Variants in TRPC5 observed in about 807,000 individuals in gnomAD.
The protein encoded by TRPC5 is short transient receptor potential channel 5.
In TRPC5, 9 loss-of-function variants were observed where a neutral mutation model predicts 56.5. The observed-to-expected ratio is 0.16, with a 90% CI of 0.10 to 0.28. The LOEUF (loss-of-function observed/expected upper bound fraction) is 0.28. Among genes scored for constraint, TRPC5 ranks in the 10% least tolerant of loss-of-function variants. The pLI, the probability that TRPC5 is intolerant of heterozygous loss-of-function variation, is 1.00. For synonymous variants in TRPC5, 282 were observed against 278.5 expected (o/e 1.01, Z -0.13); for missense variants, 469 against 748.9 (o/e 0.63, Z 4.36).
chrX:111,844,326 C>T (rs1380884533), intron 6 of TRPC5, among the ~76,000 whole-genome samples: 3 of 111,169 alleles, frequency 2.7e-5, no homozygotes, highest in Non-Finnish European at 3.8e-5. Flanking sequence ...GTGAAGGCCA[C>T]GTATTCCCAG....
intron 2 of TRPC5, among the ~76,000 whole-genome samples, chrX:111,941,527 G>A (rs1168388309): frequency 8.9e-6 from 1 of 112,279 alleles, no homozygotes; most frequent in Non-Finnish European, 1.9e-5. Context: ...GATGTGCAAA[G>A]TGTGGCATTT....
chrX:111,811,531 T>C (rs1423738324), intron 7 of TRPC5, among the ~76,000 whole-genome samples: 2 of 111,832 alleles, frequency 1.8e-5, no homozygotes, highest in Admixed American at 9.5e-5. Context: ...CAGAGGAGGA[T>C]AGGAGGTAAG....
chrX:111,790,788 A>T (rs1219321382), intron 7 of TRPC5, among the ~76,000 whole-genome samples: 2 of 110,182 alleles, frequency 1.8e-5, no homozygotes, highest in African/African-American at 3.3e-5. Flanking sequence ...TGGGAGGCCA[A>T]AGCTGGGGAT....
rs377198154 is a variant in TRPC5 at position 111,828,366 on chromosome X, A to G, written c.1896+6555T>C. On this transcript the variant is annotated intron_variant, in intron 7 of 10. Transcript: ENST00000262839. ...AGTGAATGAGTTCTCATGAGATCTG[A>G]TGGTTTTATAAGCATCTGGTATTTC... Among the ~76,000 whole-genome samples the G allele has an allele frequency of 2.2e-4, 25 of 111,367 alleles. No individual in the cohort carries two copies. The South Asian group carries it at 9.3e-3, about 41-fold the overall frequency.
chrX:111,968,109 ACT>A (rs56745571), intron 1 of TRPC5, among the ~76,000 whole-genome samples: 10,518 of 111,022 alleles, frequency 0.095, 899 homozygotes, highest in African/African-American at 0.27. Flanking sequence ...TCTACAATAA[ACT>A]CAAACAAATT....
At chrX:111,900,553 C>A (rs751279986) in intron 3 of TRPC5, among the ~76,000 whole-genome samples, 1 of 111,403 alleles carries the variant, frequency 9.0e-6, no homozygotes, top group South Asian at 3.8e-4. Flanking sequence ...GCAGAATAAT[C>A]TATTTGGAAT....
chrX:111,895,366 A>T (rs748716208), intron 3 of TRPC5, among the ~76,000 whole-genome samples: 161 of 111,866 alleles, frequency 1.4e-3, no homozygotes, highest in African/African-American at 5.0e-3. Flanking sequence ...TATATTTTTT[A>T]AAAATTAGAT....
intron 2 of TRPC5, among the ~76,000 whole-genome samples, chrX:111,923,908 G>C: frequency 8.9e-6 from 1 of 112,277 alleles, no homozygotes; most frequent in Non-Finnish European, 1.9e-5. Flanking sequence ...TTTGTAGGTG[G>C]CCCTACTGTG....
intron 7 of TRPC5, among the ~76,000 whole-genome samples, chrX:111,795,202 T>C (rs1326181687): frequency 9.0e-6 from 1 of 111,286 alleles, no homozygotes; most frequent in Non-Finnish European, 1.9e-5. Flanking sequence ...AGAGTAGATA[T>C]ACTATCTTTA....
chrX:111,890,104 T>C (rs1924731276), intron 3 of TRPC5, among the ~76,000 whole-genome samples: 1 of 111,694 alleles, frequency 9.0e-6, no homozygotes, highest in Non-Finnish European at 1.9e-5. Context: ...ATTTTTAAAA[T>C]ATTGCATCTG....
intron 7 of TRPC5, among the ~76,000 whole-genome samples, chrX:111,795,126 C>A (rs899933499): frequency 1.8e-5 from 2 of 110,601 alleles, no homozygotes; most frequent in Non-Finnish European, 3.8e-5. Flanking sequence ...ATCTGTATAT[C>A]CTTAATGATT....
chrX:111,839,710 ATATTTATT>A (rs910517688), intron 6 of TRPC5, among the ~76,000 whole-genome samples: 9 of 110,555 alleles, frequency 8.1e-5, no homozygotes, highest in African/African-American at 2.0e-4. Context: ...TTTTATTTTT[ATATTTATT>A]TATTTATTTA....
At chrX:111,784,152 T>A (rs974593467) in intron 7 of TRPC5, among the ~76,000 whole-genome samples, 9 of 111,701 alleles carry the variant, frequency 8.1e-5, no homozygotes, top group African/African-American at 2.9e-4. Flanking sequence ...AAACTCAAAA[T>A]GGATCATAGA....
intron 2 of TRPC5, among the ~76,000 whole-genome samples, chrX:111,928,487 TTCTCTC>T (rs758381520): frequency 1.8e-5 from 2 of 112,314 alleles, no homozygotes; most frequent in Non-Finnish European, 3.8e-5. Context: ...ATCCCATAAT[TTCTCTC>T]TCTCTGATAT....
At chrX:111,944,016 G>C (rs946738328) in intron 2 of TRPC5, among the ~76,000 whole-genome samples, 1 of 111,749 alleles carries the variant, frequency 8.9e-6, no homozygotes, top group Non-Finnish European at 1.9e-5. Flanking sequence ...AAAGACTTGG[G>C]CATATCTTAA....
intron 1 of TRPC5, among the ~76,000 whole-genome samples, chrX:111,957,445 G>A (rs1264750258): frequency 8.9e-6 from 1 of 111,909 alleles, no homozygotes; most frequent in Non-Finnish European, 1.9e-5. Context: ...TAAATGTTTT[G>A]TATACATTAT....
At chrX:111,925,491 G>A (rs1012291190) in intron 2 of TRPC5, among the ~76,000 whole-genome samples, 1 of 111,956 alleles carries the variant, frequency 8.9e-6, no homozygotes, top group Non-Finnish European at 1.9e-5. Flanking sequence ...GGGGTAATAA[G>A]GACAAGTTGT....
chrX:111,892,022 G>T (rs1463403570), intron 3 of TRPC5, among the ~76,000 whole-genome samples: 1 of 111,995 alleles, frequency 8.9e-6, no homozygotes, highest in Admixed American at 9.5e-5. Context: ...AAGCACATTT[G>T]CAGGCAGAGG....
chrX:112,036,270 C>T (rs1393767931), intron 1 of TRPC5, among the ~76,000 whole-genome samples: 2 of 112,124 alleles, frequency 1.8e-5, no homozygotes, highest in Non-Finnish European at 1.9e-5. Context: ...CATAATCTTT[C>T]ACCCCAGTTG....
Sources: allele counts gnomAD v4.1 joint callset (sites outside exome capture counted in the v4.1 genomes callset), GRCh38; gene constraint gnomAD v4.1.1; transcripts MANE v1.5; gene names NCBI Gene and HGNC (gene_info 2026-07-23, HGNC 2026-07-21).